The following DDX46 variants were observed in gnomAD, a reference collection of about 807,000 sequenced individuals.
DDX46 encodes the protein DEAD-box helicase 46.
In DDX46, 30 loss-of-function variants were observed where a neutral mutation model predicts 134.9. That is an observed-to-expected ratio of 0.22 (90% confidence interval 0.17 to 0.30). The LOEUF (loss-of-function observed/expected upper bound fraction) is 0.30, where lower values mean the gene tolerates loss of function less well. Among genes scored for constraint, DDX46 ranks in the 10% least tolerant of loss-of-function variants. DDX46 has a pLI of 1.00. For synonymous variants in DDX46, 415 were observed against 404.1 expected (o/e 1.03, Z -0.32); for missense variants, 622 against 1,248.7 (o/e 0.50, Z 7.56).
At chr5:134,810,261 CAAA>C (rs1185898120) in intron 16 of DDX46, among the ~76,000 whole-genome samples, 1 of 119,890 alleles carries the variant, frequency 8.3e-6, no homozygotes, top group African/African-American at 3.1e-5. Flanking sequence ...GACTCCATCT[CAAA>C]AAAAAAAAGG....
chr5:134,816,740 C>A, intron 19 of DDX46, 134 bp downstream of exon 19: 2 of 903,380 alleles, frequency 2.2e-6, no homozygotes, highest in South Asian at 1.7e-5. Context: ...ATTCTCAATA[C>A]AGAATTTTTT....
intron 16 of DDX46, among the ~76,000 whole-genome samples, chr5:134,810,286 A>G (rs1755105196): frequency 6.6e-6 from 1 of 151,848 alleles, no homozygotes; most frequent in African/African-American, 2.4e-5. Flanking sequence ...AAAACAAAAA[A>G]CAAAATCAAA....
chr5:134,809,973 A>G lies in DDX46; in HGVS notation c.2149-1248A>G, dbSNP rs934013961. Among the ~76,000 whole-genome samples the G allele has an allele frequency of 3.3e-5, 5 of 152,284 alleles. No homozygotes were observed. In the South Asian group the frequency reaches 8.3e-4, roughly 25 times the overall value. Reference sequence around the variant, plus strand: ...GGTTGCGATGAACCAAGATTGTGCCATTGCACTCCAGCCTGGGCAGCAGGA... The same window carrying G: ...GGTTGCGATGAACCAAGATTGTGCCGTTGCACTCCAGCCTGGGCAGCAGGA... On this transcript the variant is annotated intron_variant, in intron 16 of 22. Transcript: ENST00000452510.
rs150320099 is a variant in DDX46, at chr5:134,813,186, G to A, written c.2436+1341G>A. The stretch of plus-strand genomic sequence containing the variant: ...TCTTGATCTCTTGACTTCGTGATCC[G>A]CCTGCCTCGGCCTCCCAAAGTGCTC... On this transcript the variant is annotated intron_variant, in intron 18 of 22. Transcript: ENST00000452510. Among the ~76,000 whole-genome samples the A allele has an allele frequency of 3.6e-3, 548 of 152,128 alleles. 2 individuals are homozygous for A. The highest frequency in any genetic ancestry group is 6.1e-3 in the Non-Finnish European group (413 of 67,954).
intron 15 of DDX46, among the ~76,000 whole-genome samples, chr5:134,800,209 A>G (rs1444821688): frequency 6.6e-6 from 1 of 152,150 alleles, no homozygotes; most frequent in East Asian, 1.9e-4. Context: ...CGGCCTTCCA[A>G]AGTGCTGGGG....
chr5:134,790,695 A>G (rs1297414322), intron 13 of DDX46, 143 bp downstream of exon 13: 1 of 651,246 alleles, frequency 1.5e-6, no homozygotes. Flanking sequence ...GACATACAGT[A>G]TTGAAGTACA....
intron 4 of DDX46, among the ~76,000 whole-genome samples, chr5:134,772,816 T>C (rs1753815245): frequency 6.6e-6 from 1 of 152,180 alleles, no homozygotes; most frequent in South Asian, 2.1e-4. Flanking sequence ...TATTCATTTT[T>C]TTGAGACGGA....
intron 1 of DDX46, among the ~76,000 whole-genome samples, chr5:134,761,919 C>T (rs1753399426): frequency 6.6e-6 from 1 of 151,936 alleles, no homozygotes; most frequent in African/African-American, 2.4e-5. Flanking sequence ...TTGTCCTTGC[C>T]TCCCTTTGTT....
At chr5:134,784,253 T>G (rs1754264711) in intron 9 of DDX46, 113 bp from the exon 10 acceptor site, 2 of 1,041,548 alleles carry the variant, frequency 1.9e-6, no homozygotes, top group Non-Finnish European at 1.3e-6. Flanking sequence ...TAGTATTTTA[T>G]TGTATGATAT....
chr5:134,795,668 C>G (rs1754635769), intron 14 of DDX46, among the ~76,000 whole-genome samples: 1 of 152,034 alleles, frequency 6.6e-6, no homozygotes, highest in Non-Finnish European at 1.5e-5. Flanking sequence ...GAGCTGGAGA[C>G]TAGCTTGGGC....
intron 1 of DDX46, among the ~76,000 whole-genome samples, chr5:134,761,129 G>C (rs1384911407): frequency 6.6e-6 from 1 of 151,704 alleles, no homozygotes; most frequent in Admixed American, 6.6e-5. Context: ...AGGTTCAAGA[G>C]ATCCTCCCAC....
intron 8 of DDX46, among the ~76,000 whole-genome samples, chr5:134,782,362 C>T (rs1485384529): frequency 6.6e-6 from 1 of 151,906 alleles, no homozygotes; most frequent in African/African-American, 2.4e-5. Flanking sequence ...AAAAACTAGG[C>T]TGGGCACAGT....
At chr5:134,789,424 A>T in intron 12 of DDX46, among the ~76,000 whole-genome samples, 1 of 152,202 alleles carries the variant, frequency 6.6e-6, no homozygotes, top group East Asian at 1.9e-4. Flanking sequence ...TGTGTACATA[A>T]TAGAGTATTA....
intron 3 of DDX46, among the ~76,000 whole-genome samples, chr5:134,769,604 A>C (rs1255298169): frequency 6.7e-6 from 1 of 148,162 alleles, no homozygotes; most frequent in Non-Finnish European, 1.5e-5. Context: ...GCAATGGTGC[A>C]ATCTCGGCTC....
At chr5:134,762,696 G>C (rs1344335722) in intron 1 of DDX46, among the ~76,000 whole-genome samples, 2 of 151,838 alleles carry the variant, frequency 1.3e-5, no homozygotes, top group African/African-American at 4.8e-5. Flanking sequence ...TGGTGCTATT[G>C]CATTCCAGCC....
At chr5:134,828,093 G>A (rs1324698890) in intron 22 of DDX46, among the ~76,000 whole-genome samples, 1 of 152,166 alleles carries the variant, frequency 6.6e-6, no homozygotes, top group Non-Finnish European at 1.5e-5. Flanking sequence ...TGCCTTTCCC[G>A]AGGAGGTAGA....
At position 134,782,096 on chromosome 5, in the gene DDX46, C is replaced by T; in HGVS notation, c.1045+10C>T. On this transcript the variant is annotated intron_variant, in intron 8 of 22. Transcript: ENST00000452510. ...AAAATGTCTCAAGAAGGTAAAATTC[C>T]ATTTTTTCATTTACTGGTTATAAGG... 6.3e-6 allele frequency: 10 copies of T among 1,577,918 alleles called. No individual in the cohort carries two copies. The highest frequency in any genetic ancestry group is 8.6e-6 in the Non-Finnish European group (10 of 1,169,398).
intron 9 of DDX46, among the ~76,000 whole-genome samples, chr5:134,783,549 C>A (rs1475028027): frequency 7.2e-6 from 1 of 138,644 alleles, no homozygotes; most frequent in East Asian, 2.1e-4. Flanking sequence ...CCATGCCCGG[C>A]CTTTTTTTTT....
At chr5:134,800,532 C>A (rs1228268878) in intron 15 of DDX46, among the ~76,000 whole-genome samples, 1 of 152,146 alleles carries the variant, frequency 6.6e-6, no homozygotes, top group Non-Finnish European at 1.5e-5. Flanking sequence ...CCACATCCCG[C>A]AGAATATACC....
Sources: allele counts gnomAD v4.1 joint callset (sites outside exome capture counted in the v4.1 genomes callset), GRCh38; gene constraint gnomAD v4.1.1; transcripts MANE v1.5; gene names NCBI Gene and HGNC (gene_info 2026-07-23, HGNC 2026-07-21).